PGM5: variants seen among roughly 807,000 people sequenced by gnomAD.
The protein encoded by PGM5 is phosphoglucomutase-like protein 5.
PGM5 carries 23 observed loss-of-function variants against 59.2 expected under a neutral mutation model. The ratio of observed to expected loss-of-function variants is 0.39; its 90% CI spans 0.28 to 0.55. The LOEUF is 0.55. Among genes scored for constraint, PGM5 ranks in the 20% least tolerant of loss-of-function variants. The pLI, the probability that PGM5 is intolerant of heterozygous loss-of-function variation, is 0.66. For missense variants in PGM5, 574 were observed against 748.3 expected, an observed-to-expected ratio of 0.77 and a Z score of 2.72; for synonymous variants, 214 against 286.0, an observed-to-expected ratio of 0.75 and a Z score of 2.54.
At chr9:68,418,144 A>G (rs748014373) in intron 6 of PGM5, among the ~76,000 whole-genome samples, 57 of 152,186 alleles carry the variant, frequency 3.7e-4, no homozygotes, top group Admixed American at 3.6e-3. Flanking sequence ...GTCTTCCTAT[A>G]GTCACCTGCT....
At position 68,357,042 on chromosome 9, in the gene PGM5, C is replaced by T. The variant is rs1184965269; in HGVS notation, c.-86C>T. 1.5e-6 allele frequency: 2 copies of T among 1,318,870 alleles called. No homozygotes were observed. The highest frequency in any genetic ancestry group is 9.8e-7 in the Non-Finnish European group (1 of 1,019,392). 81.7% of individuals were successfully genotyped at this position (1,318,870 alleles called of 1,614,324 possible). ...GCCCGGGCGCGAGGCGGAGTCCCGGCGCGCAGCCAGGCTGGTGGAGGCCCC... is the reference window on the plus strand; with the variant it reads ...GCCCGGGCGCGAGGCGGAGTCCCGGTGCGCAGCCAGGCTGGTGGAGGCCCC... On this transcript the variant is annotated 5_prime_UTR_variant, in exon 1 of 11. Transcript: ENST00000396396.
intron 10 of PGM5, among the ~76,000 whole-genome samples, chr9:68,513,905 A>T (rs781937452): frequency 6.6e-6 from 1 of 152,218 alleles, no homozygotes; most frequent in Non-Finnish European, 1.5e-5. Flanking sequence ...ATATCAGCCC[A>T]TGTTTTTCAG....
intron 6 of PGM5, among the ~76,000 whole-genome samples, chr9:68,459,929 T>C (rs1823832433): frequency 6.6e-6 from 1 of 152,226 alleles, no homozygotes; most frequent in Admixed American, 6.5e-5. Flanking sequence ...CTTTGTTAGA[T>C]ATATACGATG....
intron 9 of PGM5, chr9:68,498,017 C>G (rs1554688317): frequency 6.6e-6 from 1 of 152,200 alleles, no homozygotes; most frequent in Non-Finnish European, 1.5e-5. Flanking sequence ...CTCTGGTGGT[C>G]AGGCCAAAAA....
intron 7 of PGM5, chr9:68,466,214 T>C: frequency 7.8e-7 from 1 of 1,287,500 alleles, no homozygotes; most frequent in Non-Finnish European, 1.0e-6. Context: ...TTTCCTTAGC[T>C]GTGTCCAATC....
chr9:68,374,822 A>G (rs1438879742), intron 1 of PGM5, among the ~76,000 whole-genome samples: 1 of 152,268 alleles, frequency 6.6e-6, no homozygotes, highest in African/African-American at 2.4e-5. Flanking sequence ...GTGAAAAAGA[A>G]AACAGTCCTT....
intron 1 of PGM5, among the ~76,000 whole-genome samples, chr9:68,362,084 T>C (rs1287275033): frequency 6.7e-6 from 1 of 148,202 alleles, no homozygotes; most frequent in African/African-American, 2.5e-5. Context: ...ATTAGGGGTT[T>C]CAAAATGGTG....
intron 6 of PGM5, among the ~76,000 whole-genome samples, chr9:68,446,684 C>G (rs2132066884): frequency 6.6e-6 from 1 of 152,284 alleles, no homozygotes. Flanking sequence ...TTCTCTAATA[C>G]TGGGGTGGAG....
intron 6 of PGM5, among the ~76,000 whole-genome samples, chr9:68,445,232 T>C (rs1349018218): frequency 6.6e-6 from 1 of 152,062 alleles, no homozygotes; most frequent in East Asian, 1.9e-4. Flanking sequence ...CCTTGTAAAA[T>C]GCAGATTTCA....
chr9:68,410,684 A>G (rs1367229345), intron 6 of PGM5, among the ~76,000 whole-genome samples: 1 of 152,192 alleles, frequency 6.6e-6, no homozygotes, highest in African/African-American at 2.4e-5. Context: ...AAGTAAATTG[A>G]TGCTCAGAGT....
At chr9:68,490,589 A>G (rs1824375255) in intron 9 of PGM5, among the ~76,000 whole-genome samples, 1 of 152,224 alleles carries the variant, frequency 6.6e-6, no homozygotes, top group Non-Finnish European at 1.5e-5. Context: ...TCCTGACCTC[A>G]GGTGATCTGC....
intron 1 of PGM5, among the ~76,000 whole-genome samples, chr9:68,369,272 G>T (rs409014): frequency 6.6e-6 from 1 of 152,038 alleles, no homozygotes; most frequent in African/African-American, 2.4e-5. Flanking sequence ...GGGATCTTGC[G>T]CAAAGTCACC....
intron 6 of PGM5, among the ~76,000 whole-genome samples, chr9:68,439,357 T>C (rs996926670): frequency 2.7e-5 from 4 of 149,522 alleles, no homozygotes; most frequent in African/African-American, 9.8e-5. Flanking sequence ...CAGGGCAAGA[T>C]GCTGTTTCAA....
chr9:68,487,989 A>G (rs1824324800), intron 9 of PGM5, among the ~76,000 whole-genome samples: 1 of 152,222 alleles, frequency 6.6e-6, no homozygotes, highest in African/African-American at 2.4e-5. Flanking sequence ...GTCTCATATA[A>G]GCGTTTGGGA....
chr9:68,467,097 T>A (rs1038019408), intron 7 of PGM5, among the ~76,000 whole-genome samples: 10 of 152,196 alleles, frequency 6.6e-5, no homozygotes, highest in African/African-American at 2.2e-4. Flanking sequence ...TGTCTCCCAG[T>A]GACAGCTGAT....
At chr9:68,359,266 T>C (rs1243793095) in intron 1 of PGM5, among the ~76,000 whole-genome samples, 2 of 152,236 alleles carry the variant, frequency 1.3e-5, no homozygotes, top group Admixed American at 1.3e-4. Context: ...ATAATTAGCA[T>C]AGGTCAATAT....
chr9:68,478,060 C>A (rs115784489), intron 7 of PGM5, among the ~76,000 whole-genome samples: 15 of 152,266 alleles, frequency 9.9e-5, no homozygotes, highest in African/African-American at 3.4e-4. Context: ...TGGCTTAAGC[C>A]CTAATTCTAA....
At chr9:68,363,483 G>C (rs1281883898) in intron 1 of PGM5, among the ~76,000 whole-genome samples, 16 of 152,316 alleles carry the variant, frequency 1.1e-4, no homozygotes, top group African/African-American at 3.6e-4. Context: ...AATGGAGTCA[G>C]ACTGTTACAA....
chr9:68,486,520 G>A (rs1824298920), intron 9 of PGM5, among the ~76,000 whole-genome samples: 1 of 152,082 alleles, frequency 6.6e-6, no homozygotes, highest in Non-Finnish European at 1.5e-5. Flanking sequence ...TTGTATAAAT[G>A]GAATCATATA....
Sources: gnomAD v4.1 joint callset for allele counts (sites outside exome capture counted in the v4.1 genomes callset) on GRCh38, gnomAD v4.1.1 for gene constraint, MANE v1.5 for transcripts, NCBI Gene and HGNC (gene_info 2026-07-23, HGNC 2026-07-21) for gene names.